The following MYO9A variants were observed in gnomAD, a reference collection of about 807,000 sequenced individuals.
The protein encoded by MYO9A is unconventional myosin-IXa.
A neutral mutation model predicts 293.3 loss-of-function variants in MYO9A; 103 were observed. The ratio of observed to expected loss-of-function variants is 0.35; its 90% CI spans 0.30 to 0.41. The LOEUF (loss-of-function observed/expected upper bound fraction) is 0.41. MYO9A is among the 10% of genes least tolerant of loss of function. The pLI is 1.00. For missense variants in MYO9A, 2,685 were observed against 3,033.0 expected, an observed-to-expected ratio of 0.89 and a Z score of 2.69; for synonymous variants, 1,001 against 1,035.7, an observed-to-expected ratio of 0.97 and a Z score of 0.64.
chr15:71,886,737 G>C (rs1371018995), intron 27 of MYO9A, among the ~76,000 whole-genome samples: 2 of 152,048 alleles, frequency 1.3e-5, no homozygotes, highest in South Asian at 4.2e-4. Flanking sequence ...AAGTTTTTTT[G>C]AGGGGGAGAA....
At chr15:72,099,177 C>CT (rs2080171379) in intron 1 of MYO9A, among the ~76,000 whole-genome samples, 1 of 152,042 alleles carries the variant, frequency 6.6e-6, no homozygotes, top group Admixed American at 6.6e-5. Flanking sequence ...CAGGGCCTCA[C>CT]ACCTGTAATC....
intron 26 of MYO9A, chr15:71,893,200 AAAT>A (rs1423134059): frequency 8.0e-7 from 1 of 1,248,546 alleles, no homozygotes; most frequent in South Asian, 1.4e-5. Context: ...ATGATAAAAC[AAAT>A]AACACAACAA....
At chr15:72,039,337 G>A (rs1161285994) in intron 2 of MYO9A, among the ~76,000 whole-genome samples, 1 of 151,862 alleles carries the variant, frequency 6.6e-6, no homozygotes, top group Admixed American at 6.6e-5. Context: ...ACTTAATTTG[G>A]CAAAATCTGT....
chr15:71,956,330 A>ATATATATAT (rs1555490831), intron 14 of MYO9A, among the ~76,000 whole-genome samples: 36,872 of 75,752 alleles, frequency 0.49, 9,744 homozygotes, highest in Non-Finnish European at 0.54. Context: ...AAAAAAAAAA[A>ATATATATAT]ATATATATAT....
chr15:71,981,639 TTGTCTC>T (rs755894616), intron 11 of MYO9A, among the ~76,000 whole-genome samples: 11 of 134,326 alleles, frequency 8.2e-5, no homozygotes, highest in African/African-American at 1.9e-4. Flanking sequence ...TCTCTCTGTC[TTGTCTC>T]TCTCTCTCTC....
chr15:71,858,099 A>G (rs1047514115), intron 34 of MYO9A, among the ~76,000 whole-genome samples: 5 of 152,428 alleles, frequency 3.3e-5, no homozygotes, highest in Admixed American at 1.3e-4. Flanking sequence ...TTAAAAAGTC[A>G]GGAAACAACA....
At chr15:71,938,030 A>G (rs1345806330) in intron 16 of MYO9A, among the ~76,000 whole-genome samples, 1 of 152,186 alleles carries the variant, frequency 6.6e-6, no homozygotes, top group Non-Finnish European at 1.5e-5. Flanking sequence ...CAAAGTGAAT[A>G]TATTTGTGGC....
chr15:72,059,134 C>T (rs1424267285), intron 1 of MYO9A, among the ~76,000 whole-genome samples: 1 of 152,186 alleles, frequency 6.6e-6, no homozygotes, highest in African/African-American at 2.4e-5. Flanking sequence ...AAGGTATTTG[C>T]AACAGAAAGC....
At chr15:71,878,556 C>A (rs1215921746) in intron 30 of MYO9A, among the ~76,000 whole-genome samples, 6 of 152,120 alleles carry the variant, frequency 3.9e-5, no homozygotes, top group Non-Finnish European at 7.4e-5. Flanking sequence ...ACTTTCCTCC[C>A]CAGAAATGAA....
intron 22 of MYO9A, among the ~76,000 whole-genome samples, chr15:71,902,365 A>C (rs1447222770): frequency 6.6e-6 from 1 of 152,090 alleles, no homozygotes. Flanking sequence ...TTTTAATATT[A>C]TGAGTAGAAT....
At chr15:71,846,816 GATCCTGGT>G (rs2055408600) in intron 39 of MYO9A, among the ~76,000 whole-genome samples, 1 of 152,138 alleles carries the variant, frequency 6.6e-6, no homozygotes, top group South Asian at 2.1e-4. Context: ...CCAGCAATGA[GATCCTGGT>G]ATGAGTTCTA....
At chr15:72,085,842 A>G (rs927831880) in intron 1 of MYO9A, among the ~76,000 whole-genome samples, 4 of 151,582 alleles carry the variant, frequency 2.6e-5, no homozygotes, top group African/African-American at 9.7e-5. Context: ...TGAGGGTTTG[A>G]TTGTGGTATA....
intron 7 of MYO9A, among the ~76,000 whole-genome samples, chr15:72,008,441 GTGTGTGT>G (rs778246184): frequency 4.9e-4 from 64 of 130,668 alleles, no homozygotes; most frequent in Non-Finnish European, 8.5e-4. Flanking sequence ...AAATGGGTGT[GTGTGTGT>G]GTGTGTGTGT....
At chr15:71,895,420 G>A (rs1353223787) in intron 25 of MYO9A, among the ~76,000 whole-genome samples, 1 of 152,094 alleles carries the variant, frequency 6.6e-6, no homozygotes, top group Non-Finnish European at 1.5e-5. Flanking sequence ...GTACAAAAGG[G>A]ACACTAACCT....
chr15:71,897,003 T>C (rs770441955), intron 25 of MYO9A: 41 of 157,658 alleles, frequency 2.6e-4, no homozygotes, highest in Middle Eastern at 3.4e-3. Flanking sequence ...ATGGTTAAGA[T>C]GGGAAATTTT....
intron 12 of MYO9A, among the ~76,000 whole-genome samples, chr15:71,971,343 G>T (rs1185638099): frequency 1.3e-5 from 2 of 152,102 alleles, no homozygotes; most frequent in East Asian, 3.9e-4. Flanking sequence ...CCAGCACTTT[G>T]GGAGGCTAAG....
intron 4 of MYO9A, among the ~76,000 whole-genome samples, chr15:72,026,297 G>GAAA (rs1365923873): frequency 5.5e-5 from 6 of 108,552 alleles, no homozygotes; most frequent in African/African-American, 2.1e-4. Context: ...AAAAAAAAAA[G>GAAA]AAAGAAAAGA....
intron 3 of MYO9A, among the ~76,000 whole-genome samples, chr15:72,029,680 T>C (rs1566964346): frequency 6.6e-6 from 1 of 152,220 alleles, no homozygotes; most frequent in Non-Finnish European, 1.5e-5. Flanking sequence ...AACTTTATCC[T>C]GAAAGTAATG....
intron 11 of MYO9A, among the ~76,000 whole-genome samples, chr15:71,980,939 A>G (rs1397354311): frequency 6.6e-6 from 1 of 152,224 alleles, no homozygotes. Flanking sequence ...TCAATAAGAT[A>G]TTAGCTGTAT....
Sources: allele counts gnomAD v4.1 joint callset (sites outside exome capture counted in the v4.1 genomes callset), GRCh38; gene constraint gnomAD v4.1.1; transcripts MANE v1.5; gene names NCBI Gene and HGNC (gene_info 2026-07-23, HGNC 2026-07-21).